The following GRM5 variants were observed in gnomAD, a reference collection of about 807,000 sequenced individuals.
GRM5 encodes the protein metabotropic glutamate receptor 5.
GRM5 carries 19 observed loss-of-function variants against 83.1 expected under a neutral mutation model. That is an observed-to-expected ratio of 0.23 (90% confidence interval 0.16 to 0.34). GRM5 has a LOEUF of 0.34. GRM5 is among the 10% of genes least tolerant of loss of function. GRM5 has a pLI of 1.00. For missense variants in GRM5, 1,160 were observed against 1,588.3 expected, an observed-to-expected ratio of 0.73 and a Z score of 4.58; for synonymous variants, 675 against 633.6, an observed-to-expected ratio of 1.07 and a Z score of -0.98.
chr11:88,764,140 G>A (rs1406212110), intron 3 of GRM5, among the ~76,000 whole-genome samples: 1 of 151,662 alleles, frequency 6.6e-6, no homozygotes, highest in African/African-American at 2.4e-5. Flanking sequence ...ATCACATATT[G>A]AGAAAATATG....
At chr11:88,918,838 T>C (rs1179422720) in intron 2 of GRM5, among the ~76,000 whole-genome samples, 4 of 152,084 alleles carry the variant, frequency 2.6e-5, no homozygotes, top group Middle Eastern at 3.4e-3. Flanking sequence ...TAATGAGTTA[T>C]GTTATTTGCA....
chr11:88,547,023 T>C (rs1478798121), intron 8 of GRM5, among the ~76,000 whole-genome samples: 3 of 152,142 alleles, frequency 2.0e-5, no homozygotes, highest in African/African-American at 7.2e-5. Context: ...TATTCAATTG[T>C]ATAGCAATTG....
chr11:89,014,344 C>T (rs1394069409), intron 2 of GRM5, among the ~76,000 whole-genome samples: 1 of 152,146 alleles, frequency 6.6e-6, no homozygotes, highest in Non-Finnish European at 1.5e-5. Flanking sequence ...ATTTGTGTTA[C>T]TACTCAACAG....
intron 3 of GRM5, among the ~76,000 whole-genome samples, chr11:88,732,437 C>T (rs117522528): frequency 0.011 from 1,643 of 152,092 alleles, 13 homozygotes; most frequent in South Asian, 0.023. Flanking sequence ...AAGGAACTGA[C>T]GTTTGCTGAA....
intron 2 of GRM5, among the ~76,000 whole-genome samples, chr11:88,987,433 AG>A (rs1939766229): frequency 6.6e-6 from 1 of 151,552 alleles, no homozygotes; most frequent in Non-Finnish European, 1.5e-5. Context: ...AGGTTGGGGG[AG>A]GGGCGCCCGC....
chr11:88,986,756 G>T (rs1295111155), intron 2 of GRM5, among the ~76,000 whole-genome samples: 11 of 90,326 alleles, frequency 1.2e-4, no homozygotes, highest in East Asian at 7.6e-4. Context: ...TTGCACTCTT[G>T]GTATCATATC....
At chr11:89,014,413 A>C (rs1940795659) in intron 2 of GRM5, among the ~76,000 whole-genome samples, 1 of 152,108 alleles carries the variant, frequency 6.6e-6, no homozygotes, top group African/African-American at 2.4e-5. Flanking sequence ...GCTTGGTTTC[A>C]ATGCTATTAC....
At chr11:88,564,964 A>G (rs571688349) in intron 8 of GRM5, among the ~76,000 whole-genome samples, 6 of 152,278 alleles carry the variant, frequency 3.9e-5, no homozygotes, top group African/African-American at 9.6e-5. Flanking sequence ...TATTGGGTAC[A>G]GTAACTTTCA....
intron 3 of GRM5, among the ~76,000 whole-genome samples, chr11:88,735,614 C>G (rs1941896052): frequency 6.6e-6 from 1 of 152,072 alleles, no homozygotes; most frequent in Non-Finnish European, 1.5e-5. Context: ...ATATCCTGGG[C>G]AGGTAGGCAG....
chr11:88,959,177 C>G (rs1351407050), intron 2 of GRM5, among the ~76,000 whole-genome samples: 1 of 152,090 alleles, frequency 6.6e-6, no homozygotes, highest in Non-Finnish European at 1.5e-5. Flanking sequence ...TTAGTAATTT[C>G]TGCTCTTCAG....
At chr11:88,632,819 G>T (rs1252095282) in intron 4 of GRM5, among the ~76,000 whole-genome samples, 1 of 152,112 alleles carries the variant, frequency 6.6e-6, no homozygotes, top group Non-Finnish European at 1.5e-5. Context: ...GAGAATATTT[G>T]TTCCTCAACA....
At position 88,721,700 on chromosome 11, in the gene GRM5, A is replaced by G. The variant is rs531959755; in HGVS notation, c.912-68297T>C. 7.9e-5 allele frequency among the ~76,000 whole-genome samples: 12 copies of G among 152,226 alleles called. No homozygotes were observed. The South Asian group carries it at 2.1e-3, about 26-fold the overall frequency. On this transcript the variant is annotated intron_variant, in intron 3 of 9. Transcript: ENST00000305447. Reference sequence around the variant, plus strand: ...TCACTGATGGTTGGAAATAAGTGAAAAACATCCTATCTATGAACTCACTTT... The same window carrying G: ...TCACTGATGGTTGGAAATAAGTGAAGAACATCCTATCTATGAACTCACTTT...
chr11:88,633,894 G>T (rs1275495416), intron 4 of GRM5, among the ~76,000 whole-genome samples: 2 of 152,124 alleles, frequency 1.3e-5, no homozygotes, highest in Admixed American at 6.6e-5. Flanking sequence ...TGAGAAAGGT[G>T]CTGTTAGGCA....
chr11:88,658,514 G>T (rs1200661571), intron 3 of GRM5, among the ~76,000 whole-genome samples: 3 of 152,128 alleles, frequency 2.0e-5, no homozygotes, highest in East Asian at 3.9e-4. Context: ...GTTAAATAGG[G>T]TTTAGAGACT....
chr11:89,046,962 G>A (rs913619187), intron 2 of GRM5, among the ~76,000 whole-genome samples: 1 of 152,168 alleles, frequency 6.6e-6, no homozygotes, highest in Non-Finnish European at 1.5e-5. Context: ...CAGTATAGCA[G>A]AAGTAAATAA....
chr11:89,002,733 C>A (rs956405164), intron 2 of GRM5, among the ~76,000 whole-genome samples: 38 of 152,190 alleles, frequency 2.5e-4, no homozygotes, highest in African/African-American at 8.9e-4. Flanking sequence ...AATCAGAGAA[C>A]CTCATCCTTC....
chr11:88,526,640 T>A lies in GRM5; in HGVS notation c.2631-1236A>T, dbSNP rs1257861761. ...CAGTCACACTCTTTTTAGTTTATTT[T>A]CCTGCTGTTTCAAAAGTAGTATAAA... On this transcript the variant is annotated intron_variant, in intron 8 of 9. Coordinates refer to ENST00000305447, the MANE Select transcript of GRM5 (RefSeq NM_001143831.3). Among the ~76,000 whole-genome samples the A allele has an allele frequency of 2.6e-5, 4 of 152,188 alleles. No individual in the cohort carries two copies. The East Asian group carries it at 7.7e-4, about 29-fold the overall frequency.
At chr11:88,570,103 C>T (rs1440174789) in intron 7 of GRM5, among the ~76,000 whole-genome samples, 1 of 152,036 alleles carries the variant, frequency 6.6e-6, no homozygotes, top group Admixed American at 6.6e-5. Flanking sequence ...TTCTGCCCTG[C>T]TGCTGTTTTG....
At chr11:88,832,557 T>G (rs1944014963) in intron 3 of GRM5, among the ~76,000 whole-genome samples, 1 of 152,222 alleles carries the variant, frequency 6.6e-6, no homozygotes. Flanking sequence ...AATCTACAGA[T>G]TCCATGTAAT....
Sources: gnomAD v4.1 joint callset for allele counts (sites outside exome capture counted in the v4.1 genomes callset) on GRCh38, gnomAD v4.1.1 for gene constraint, MANE v1.5 for transcripts, NCBI Gene and HGNC (gene_info 2026-07-23, HGNC 2026-07-21) for gene names.